The following CFAP58 variants were observed in gnomAD, a reference collection of about 807,000 sequenced individuals.
The protein encoded by CFAP58 is cilia and flagella associated protein 58.
A neutral mutation model predicts 119.5 loss-of-function variants in CFAP58; 88 were observed. The ratio of observed to expected loss-of-function variants is 0.74; its 90% confidence interval spans 0.62 to 0.88. The LOEUF is 0.88. CFAP58 is among the 40% of genes least tolerant of loss of function. CFAP58 has a pLI of 0.00. For missense variants in CFAP58, 990 were observed against 1,021.2 expected (o/e 0.97, Z 0.42); for synonymous variants, 365 against 366.3 (o/e 1.00, Z 0.04).
At chr10:104,418,749 A>G (rs1023282931) in intron 15 of CFAP58, among the ~76,000 whole-genome samples, 5 of 152,192 alleles carry the variant, frequency 3.3e-5, no homozygotes, top group Non-Finnish European at 5.9e-5. Flanking sequence ...TTCTAATAGC[A>G]TGGCCCAGTT....
intron 15 of CFAP58, among the ~76,000 whole-genome samples, chr10:104,435,814 G>A (rs1485113487): frequency 6.6e-6 from 1 of 152,144 alleles, no homozygotes; most frequent in Non-Finnish European, 1.5e-5. Context: ...AGATTCTTCT[G>A]CATTCTGGGC....
At chr10:104,365,122 G>A (rs1293194425) in intron 4 of CFAP58, among the ~76,000 whole-genome samples, 1 of 152,126 alleles carries the variant, frequency 6.6e-6, no homozygotes, top group Non-Finnish European at 1.5e-5. Flanking sequence ...ACTGAGGCGG[G>A]CACTCCCTAC....
intron 9 of CFAP58, among the ~76,000 whole-genome samples, chr10:104,389,303 A>G (rs2011987094): frequency 6.6e-6 from 1 of 152,200 alleles, no homozygotes; most frequent in Non-Finnish European, 1.5e-5. Flanking sequence ...TCAAGGATCC[A>G]GAAGCAAGTT....
rs779633483 is a variant in CFAP58 at position 104,399,351 on chromosome 10, C to G, written c.1675-9C>G. ...TTGAAATTTGCCTGTATCTTCCACT[C>G]TTTGTCAGGCTGAGCTGCAGAAGCT... On this transcript the variant is annotated splice_polypyrimidine_tract_variant and intron_variant, in intron 11 of 17. Coordinates refer to ENST00000369704, the MANE Select transcript of CFAP58 (RefSeq NM_001008723.2). The G allele has an allele frequency of 3.7e-5, 59 of 1,613,110 alleles. No individual in the cohort carries two copies. In the South Asian group the frequency reaches 6.5e-4, roughly 18 times the overall value.
At position 104,376,859 on chromosome 10, in the gene CFAP58, A is replaced by G. The variant is rs2011681421; in HGVS notation, c.1139A>G (p.Asp380Gly). ...KQAELDRKAM[D>G]ELLRERDILN... ...GCAGAACTTGACAGAAAGGCAATGG[A>G]CGAGCTTCTAAGAGAAAGGGACATA... Residue 380 changes from aspartate to glycine, a missense_variant, in exon 8 of 18, where the codon GAC becomes GGC. Asp to Gly is a moderately conservative substitution (Grantham distance 94). Coordinates refer to ENST00000369704, the MANE Select transcript of CFAP58 (RefSeq NM_001008723.2). 3 of 1,613,730 alleles carry G rather than the reference A, an allele frequency of 1.9e-6. No individual in the cohort carries two copies. The highest frequency in any genetic ancestry group is 2.5e-6 in the Non-Finnish European group (3 of 1,179,780).
chr10:104,420,341 C>G (rs1328676836), intron 15 of CFAP58, among the ~76,000 whole-genome samples: 1 of 152,106 alleles, frequency 6.6e-6, no homozygotes, highest in East Asian at 1.9e-4. Flanking sequence ...GAGATTGGCG[C>G]TGGTAAGCTC....
intron 15 of CFAP58, among the ~76,000 whole-genome samples, chr10:104,446,536 C>A (rs2013115295): frequency 6.6e-6 from 1 of 152,100 alleles, no homozygotes; most frequent in African/African-American, 2.4e-5. Context: ...CTGCTAAAAG[C>A]AGATTATTTG....
At chr10:104,432,166 A>G (rs977268605) in intron 15 of CFAP58, among the ~76,000 whole-genome samples, 2 of 152,232 alleles carry the variant, frequency 1.3e-5, no homozygotes, top group Non-Finnish European at 2.9e-5. Flanking sequence ...TTAAAACATC[A>G]TCAGAATAGT....
At position 104,357,955 on chromosome 10, in the gene CFAP58, A is replaced by T. The variant is rs561253857; in HGVS notation, c.10-386A>T. Reference sequence around the variant, plus strand: ...TACACACATATATGTACACATATATACACATATATGTACACATATGTACAT... The same window carrying T: ...TACACACATATATGTACACATATATTCACATATATGTACACATATGTACAT... On this transcript the variant is annotated intron_variant, in intron 1 of 17. Transcript: ENST00000369704. Among the ~76,000 whole-genome samples, 37 of 112,242 alleles carry T rather than the reference A, an allele frequency of 3.3e-4. 2 individuals carry two copies. Among genetic ancestry groups the T allele is most frequent in the Non-Finnish European group, 4.8e-4 (27 of 55,770 alleles). The allele number at this position is 112,242 out of a possible 152,430, so 73.6% of individuals were successfully genotyped here.
intron 1 of CFAP58, among the ~76,000 whole-genome samples, chr10:104,355,285 G>A (rs1442884273): frequency 6.6e-6 from 1 of 152,028 alleles, no homozygotes. Flanking sequence ...TCCCCATAGG[G>A]AAGCCCCAGC....
chr10:104,355,707 T>A (rs1409350343), intron 1 of CFAP58, among the ~76,000 whole-genome samples: 1 of 152,244 alleles, frequency 6.6e-6, no homozygotes, highest in African/African-American at 2.4e-5. Flanking sequence ...CACGTTGATT[T>A]CATCCTTCTG....
chr10:104,428,319 A>G (rs1372917347), intron 15 of CFAP58, among the ~76,000 whole-genome samples: 1 of 152,190 alleles, frequency 6.6e-6, no homozygotes, highest in East Asian at 1.9e-4. Context: ...GAAGTCTGGC[A>G]GCCAAGGGCC....
the CFAP58 span, among the ~76,000 whole-genome samples, chr10:104,343,295 T>A: frequency 1.3e-3 from 203 of 152,352 alleles, 1 homozygote; most frequent in African/African-American, 4.7e-3. Context: ...CCTCTGGGAA[T>A]GTCGGAGCCC....
chr10:104,440,065 A>C (rs985216251), intron 15 of CFAP58, among the ~76,000 whole-genome samples: 10 of 151,914 alleles, frequency 6.6e-5, no homozygotes, highest in African/African-American at 2.2e-4. Context: ...CTCGTGATCC[A>C]CCCGCCTGGG....
chr10:104,409,630 T>A (rs1235706878), intron 15 of CFAP58, among the ~76,000 whole-genome samples: 1 of 152,212 alleles, frequency 6.6e-6, no homozygotes, highest in Non-Finnish European at 1.5e-5. Context: ...TTTAAGAACA[T>A]TTTAGATCAT....
intron 13 of CFAP58, among the ~76,000 whole-genome samples, 196 bp downstream of exon 13, chr10:104,401,099 A>G (rs1222805294): frequency 6.6e-6 from 1 of 152,246 alleles, no homozygotes; most frequent in African/African-American, 2.4e-5. Context: ...CTGTGTCACA[A>G]TAATGAACCA....
At chr10:104,420,335 T>C (rs1354693258) in intron 15 of CFAP58, among the ~76,000 whole-genome samples, 1 of 152,180 alleles carries the variant, frequency 6.6e-6, no homozygotes, top group African/African-American at 2.4e-5. Context: ...TTAAAAGAGA[T>C]TGGCGCTGGT....
At position 104,357,919 on chromosome 10, in the gene CFAP58, ATG is replaced by A. The variant is rs1285043734; in HGVS notation, c.10-420_10-419del. 7.4e-4 allele frequency among the ~76,000 whole-genome samples: 87 copies of A among 117,496 alleles called. 2 individuals carry two copies. Among genetic ancestry groups the A allele is most frequent in the Admixed American group, 1.9e-3 (25 of 12,988 alleles). The allele number at this position is 117,496 out of a possible 152,430, so 77.1% of individuals were successfully genotyped here. A position where few individuals can be genotyped will look rare whatever the true frequency, so the allele number is the denominator to read the frequency against. ...TATATGTACACATATACACACATAT[ATG>A]TACACATATACACACATATATGTAC... is the stretch of plus-strand genomic sequence containing the variant. On this transcript the variant is annotated intron_variant, in intron 1 of 17. Transcript: ENST00000369704.
intron 15 of CFAP58, among the ~76,000 whole-genome samples, chr10:104,411,859 A>G (rs572026150): frequency 7.2e-5 from 11 of 152,106 alleles, no homozygotes; most frequent in African/African-American, 2.7e-4. Context: ...TCTTTTTGCC[A>G]AGGGTGAAAC....
Sources: allele counts gnomAD v4.1 joint callset (sites outside exome capture counted in the v4.1 genomes callset), GRCh38; gene constraint gnomAD v4.1.1; transcripts MANE v1.5; gene names NCBI Gene and HGNC (gene_info 2026-07-23, HGNC 2026-07-21).